Variants in GALNT13 observed in about 807,000 individuals in gnomAD.
The protein encoded by GALNT13 is polypeptide N-acetylgalactosaminyltransferase 13, also known as UDP-GalNAc:polypeptide N-acetylgalactosaminyltransferase 13.
A neutral mutation model predicts 64.2 loss-of-function variants in GALNT13; 28 were observed. The observed-to-expected ratio is 0.44, with a 90% CI of 0.32 to 0.60. The LOEUF (loss-of-function observed/expected upper bound fraction) is 0.60. Among genes scored for constraint, GALNT13 ranks in the 20% least tolerant of loss-of-function variants. The pLI is 0.05. For missense variants in GALNT13, 577 were observed against 669.8 expected (o/e 0.86, Z 1.53); for synonymous variants, 214 against 224.6 (o/e 0.95, Z 0.42).
At chr2:154,401,998 C>G (rs1699322659) in intron 10 of GALNT13, among the ~76,000 whole-genome samples, 1 of 152,106 alleles carries the variant, frequency 6.6e-6, no homozygotes, top group African/African-American at 2.4e-5. Flanking sequence ...CAAGAGCAAT[C>G]ATATTATGGA....
At chr2:154,154,762 T>A (rs1472036713) in intron 4 of GALNT13, among the ~76,000 whole-genome samples, 2 of 152,162 alleles carry the variant, frequency 1.3e-5, no homozygotes, top group Non-Finnish European at 2.9e-5. Context: ...TATTTGTGTA[T>A]GTGCATTTAT....
At chr2:153,308,899 T>C in the GALNT13 span, among the ~76,000 whole-genome samples, 1 of 152,106 alleles carries the variant, frequency 6.6e-6, no homozygotes, top group African/African-American at 2.4e-5. Flanking sequence ...CATAGAATAA[T>C]GACATACAGG....
At chr2:153,878,937 A>G (rs1456775697) in intron 1 of GALNT13, among the ~76,000 whole-genome samples, 1 of 152,184 alleles carries the variant, frequency 6.6e-6, no homozygotes, top group African/African-American at 2.4e-5. Context: ...CTACCAAAGC[A>G]GGTTGTAAAT....
At chr2:154,377,881 A>G (rs938126438) in intron 9 of GALNT13, among the ~76,000 whole-genome samples, 2 of 152,170 alleles carry the variant, frequency 1.3e-5, no homozygotes, top group African/African-American at 4.8e-5. Flanking sequence ...GGGTAGTCAG[A>G]GAAGGCTTCA....
At chr2:153,611,679 CTTTTTTTTTTTTTTT>C in the GALNT13 span, among the ~76,000 whole-genome samples, 4 of 104,398 alleles carry the variant, frequency 3.8e-5, no homozygotes, top group Admixed American at 1.0e-4. Flanking sequence ...ACATTTTTAC[CTTTTTTTTTTTTTTT>C]TTTTTTTTTT....
At chr2:154,415,538 C>T (rs1013426140) in intron 11 of GALNT13, among the ~76,000 whole-genome samples, 5 of 152,072 alleles carry the variant, frequency 3.3e-5, no homozygotes, top group Middle Eastern at 3.4e-3. Flanking sequence ...CTTATGCTAG[C>T]CATTTGTTAA....
chr2:153,423,841 C>G, the GALNT13 span, among the ~76,000 whole-genome samples: 1 of 151,188 alleles, frequency 6.6e-6, no homozygotes, highest in African/African-American at 2.4e-5. Flanking sequence ...AGTTCTTCCT[C>G]CTATTTATCT....
intron 3 of GALNT13, among the ~76,000 whole-genome samples, chr2:154,092,838 G>A (rs2105443605): frequency 6.6e-6 from 1 of 152,058 alleles, no homozygotes; most frequent in South Asian, 2.1e-4. Context: ...CGACTACAGG[G>A]AATATTGTGG....
chr2:153,243,913 G>A, the GALNT13 span, among the ~76,000 whole-genome samples: 1 of 152,006 alleles, frequency 6.6e-6, no homozygotes, highest in Non-Finnish European at 1.5e-5. Context: ...GGTTCTAAAA[G>A]ATTTATGAAA....
At position 154,192,615 on chromosome 2, in the gene GALNT13, A is replaced by T. The variant is rs186971400; in HGVS notation, c.312-49415A>T. On this transcript the variant is annotated intron_variant, in intron 4 of 12. Coordinates refer to ENST00000392825, the MANE Select transcript of GALNT13 (RefSeq NM_052917.4). ...TAAAACTTCAGGTTTATCTTTATAA[A>T]TTTTTTTTATCTTTGTTAGCCAGCA... Among the ~76,000 whole-genome samples, 754 of 152,114 alleles carry T rather than the reference A, an allele frequency of 5.0e-3. 9 individuals carry two copies. The highest frequency in any genetic ancestry group is 0.017 in the African/African-American group (717 of 41,512).
At chr2:153,493,358 G>A in the GALNT13 span, among the ~76,000 whole-genome samples, 2 of 151,864 alleles carry the variant, frequency 1.3e-5, no homozygotes. Context: ...AATATTAATG[G>A]AAAATAATAG....
chr2:154,154,269 G>A (rs191110461), intron 4 of GALNT13, among the ~76,000 whole-genome samples: 4 of 152,106 alleles, frequency 2.6e-5, no homozygotes, highest in African/African-American at 4.8e-5. Context: ...AATGCAGAAG[G>A]TTTGGATAAC....
At chr2:153,611,198 A>G in the GALNT13 span, among the ~76,000 whole-genome samples, 1 of 152,210 alleles carries the variant, frequency 6.6e-6, no homozygotes. Context: ...AAAAGTTAAT[A>G]TATGTAATAA....
chr2:153,923,050 C>T (rs891811440), intron 2 of GALNT13, among the ~76,000 whole-genome samples: 1 of 151,974 alleles, frequency 6.6e-6, no homozygotes, highest in African/African-American at 2.4e-5. Flanking sequence ...CAGGCGCCTG[C>T]CACAGTGCTT....
intron 9 of GALNT13, among the ~76,000 whole-genome samples, chr2:154,322,509 A>AT (rs139549893): frequency 0.15 from 23,423 of 152,046 alleles, 2,038 homozygotes; most frequent in Middle Eastern, 0.26. Flanking sequence ...ATGTAACTGT[A>AT]AACTACATAT....
chr2:154,350,406 C>G (rs1014263082), intron 9 of GALNT13, among the ~76,000 whole-genome samples: 5 of 152,178 alleles, frequency 3.3e-5, no homozygotes, highest in Non-Finnish European at 5.9e-5. Flanking sequence ...GCTTCCTGCC[C>G]TCCAATGTTG....
At chr2:153,087,435 T>C in the GALNT13 span, among the ~76,000 whole-genome samples, 1 of 152,238 alleles carries the variant, frequency 6.6e-6, no homozygotes, top group East Asian at 1.9e-4. Context: ...TGGTCCGTAG[T>C]TTTCTTTTTG....
At chr2:153,693,355 T>C in the GALNT13 span, among the ~76,000 whole-genome samples, 1 of 152,198 alleles carries the variant, frequency 6.6e-6, no homozygotes, top group Non-Finnish European at 1.5e-5. Flanking sequence ...ATCTAGGAGA[T>C]ATGAGAAGTC....
the GALNT13 span, among the ~76,000 whole-genome samples, chr2:153,127,712 C>T: frequency 6.6e-6 from 1 of 152,112 alleles, no homozygotes; most frequent in Non-Finnish European, 1.5e-5. Context: ...TTATTTTATT[C>T]TGAGCTTGCT....
Sources: gnomAD v4.1 joint callset for allele counts (sites outside exome capture counted in the v4.1 genomes callset) on GRCh38, gnomAD v4.1.1 for gene constraint, MANE v1.5 for transcripts, NCBI Gene and HGNC (gene_info 2026-07-23, HGNC 2026-07-21) for gene names.